DNAJC24: variants seen among roughly 807,000 people sequenced by gnomAD.
DNAJC24 encodes DnaJ heat shock protein family (Hsp40) member C24.
DNAJC24 carries 17 observed loss-of-function variants against 18.0 expected under a neutral mutation model. That is an observed-to-expected ratio of 0.94 (90% CI 0.65 to 1.42). The LOEUF is 1.42. DNAJC24 is among the 40% of genes most tolerant of loss of function. DNAJC24 has a pLI of 0.00. For missense variants in DNAJC24, 158 were observed against 175.6 expected, an observed-to-expected ratio of 0.90 and a Z score of 0.57; for synonymous variants, 55 against 57.7, an observed-to-expected ratio of 0.95 and a Z score of 0.21.
chr11:31,417,952 A>ACCCAAAGTATTGCATGTATGTTTTTTT (rs1554934762), intron 3 of DNAJC24, among the ~76,000 whole-genome samples: 4 of 152,106 alleles, frequency 2.6e-5, no homozygotes, highest in Non-Finnish European at 4.4e-5. Context: ...AGGGCAGATA[A>ACCCAAAGTATTGCATGTATGTTTTTTT]CCCAAAGTAT....
chr11:31,404,001 G>A (rs1267226229), intron 2 of DNAJC24, among the ~76,000 whole-genome samples: 1 of 152,174 alleles, frequency 6.6e-6, no homozygotes, highest in Non-Finnish European at 1.5e-5. Context: ...CATTATTCCT[G>A]TCTCCCCTTT....
chr11:31,421,791 A>C lies in DNAJC24; in HGVS notation c.251-4496A>C, dbSNP rs143498106. Reference sequence around the variant, plus strand: ...ATTCCATTGTCTTGTAAGAAGTAAGAAATATTTATTGATTCCCAAATGGAG... The same window carrying C: ...ATTCCATTGTCTTGTAAGAAGTAAGCAATATTTATTGATTCCCAAATGGAG... On this transcript the variant is annotated intron_variant, in intron 3 of 4. Transcript: ENST00000465995. 2.8e-3 allele frequency among the ~76,000 whole-genome samples: 421 copies of C among 152,326 alleles called. 4 individuals carry two copies. The highest frequency in any genetic ancestry group is 0.024 in the East Asian group (122 of 5,188).
intron 2 of DNAJC24, 94 bp from the exon 3 acceptor site, chr11:31,414,717 C>T: frequency 1.5e-6 from 2 of 1,351,536 alleles, no homozygotes; most frequent in Non-Finnish European, 2.0e-6. Context: ...TTCTCATTAC[C>T]TTCTTAACTA....
chr11:31,421,893 C>A (rs1184419000), intron 3 of DNAJC24: 5 of 400,178 alleles, frequency 1.2e-5, no homozygotes, highest in African/African-American at 2.1e-5. Context: ...CTGAACCAAG[C>A]TGCTAATAGT....
Position 31,419,307 on chromosome 11 carries a change from A to G in DNAJC24, c.250+4358A>G, listed in dbSNP as rs755893384. ...GTGACCGTTTCTGAGAAAAGTAAGT[A>G]TGTGAAATGATGCAGAAAATCCATC... On this transcript the variant is annotated intron_variant, in intron 3 of 4. Transcript: ENST00000465995. 5.9e-4 allele frequency among the ~76,000 whole-genome samples: 89 copies of G among 151,992 alleles called. 1 individual carries two copies. The highest frequency in any genetic ancestry group is 2.4e-4 in the Non-Finnish European group (16 of 67,946).
At chr11:31,382,680 C>T (rs1043128597) in intron 2 of DNAJC24, among the ~76,000 whole-genome samples, 5 of 152,164 alleles carry the variant, frequency 3.3e-5, no homozygotes, top group African/African-American at 9.7e-5. Flanking sequence ...ACACACCACT[C>T]AATACAGTAC....
At chr11:31,399,732 G>GT (rs1952581478) in intron 2 of DNAJC24, among the ~76,000 whole-genome samples, 10 of 110,128 alleles carry the variant, frequency 9.1e-5, no homozygotes, top group Admixed American at 1.8e-4. Flanking sequence ...TTTTTTAACT[G>GT]TTTTTTCTTT....
At chr11:31,423,551 G>GTGCC (rs1451012778) in intron 3 of DNAJC24, among the ~76,000 whole-genome samples, 1 of 152,176 alleles carries the variant, frequency 6.6e-6, no homozygotes, top group Non-Finnish European at 1.5e-5. Flanking sequence ...ATAAGCCACA[G>GTGCC]TGCCTGACCT....
At chr11:31,392,014 A>G (rs991312071) in intron 2 of DNAJC24, among the ~76,000 whole-genome samples, 1 of 152,172 alleles carries the variant, frequency 6.6e-6, no homozygotes, top group Non-Finnish European at 1.5e-5. Context: ...CAAACTTTAC[A>G]TGTTTTTACT....
At chr11:31,408,339 C>T in intron 2 of DNAJC24, 1 of 376,538 alleles carries the variant, frequency 2.7e-6, no homozygotes, top group Non-Finnish European at 5.2e-6. Context: ...AGGTGAGTCC[C>T]AAGAATTGAT....
intron 1 of DNAJC24, among the ~76,000 whole-genome samples, chr11:31,370,435 C>T (rs1374609125): frequency 6.6e-6 from 1 of 152,058 alleles, no homozygotes; most frequent in African/African-American, 2.4e-5. Flanking sequence ...CTTAGAGGTT[C>T]ATACACCACC....
In DNAJC24 at chr11:31,414,914, A is replaced by T. The variant is rs764077492; in HGVS notation, c.215A>T (p.Glu72Val). 6.2e-7 allele frequency: 1 copy of T among 1,614,006 alleles called. No individual in the cohort carries two copies. Among genetic ancestry groups the T allele is most frequent in the Non-Finnish European group, 8.5e-7 (1 of 1,179,958 alleles). ...IDQAWKILGN[E>V]ETKREYDLQR... ...CAAGCATGGAAAATTCTAGGAAATG[A>T]AGAGACAAAAAGAGAGTATGACCTG... Residue 72 changes from glutamate to valine, a missense_variant, in exon 3 of 5, where the codon GAA becomes GTA. Physicochemically the swap from Glu to Val is moderately radical, Grantham distance 121 (BLOSUM62 -2). Transcript: ENST00000465995.
In DNAJC24 at chr11:31,430,204, C is replaced by T. The variant is rs985861736; in HGVS notation, c.320-67C>T. The T allele has an allele frequency of 5.0e-6, 7 of 1,395,434 alleles. No homozygotes were observed. The African/African-American group carries it at 5.8e-5, about 12-fold the overall frequency. The allele number at this position is 1,395,434 out of a possible 1,614,324, so 86.4% of individuals were successfully genotyped here. Reference sequence around the variant, plus strand: ...AATTCCTATGGAATAAACTCTGCACCTTTTAAGGGTATTAGTGAGGTAGTT... The same window carrying T: ...AATTCCTATGGAATAAACTCTGCACTTTTTAAGGGTATTAGTGAGGTAGTT... On this transcript the variant is annotated intron_variant, in intron 4 of 4. Transcript: ENST00000465995.
intron 2 of DNAJC24, among the ~76,000 whole-genome samples, chr11:31,412,977 A>C (rs1187242018): frequency 6.6e-6 from 1 of 152,250 alleles, no homozygotes; most frequent in Non-Finnish European, 1.5e-5. Context: ...TGAGAATTGA[A>C]GTCATTTCGC....
chr11:31,396,153 A>T, intron 2 of DNAJC24: 1 of 344,274 alleles, frequency 2.9e-6, no homozygotes, highest in South Asian at 2.5e-5. Flanking sequence ...TGCCAAATGT[A>T]GTGGATTTAC....
intron 2 of DNAJC24, among the ~76,000 whole-genome samples, chr11:31,380,336 A>T (rs996007490): frequency 6.6e-6 from 1 of 152,210 alleles, no homozygotes; most frequent in African/African-American, 2.4e-5. Flanking sequence ...CATGCAACGA[A>T]CTTACAGACC....
At chr11:31,378,119 A>T (rs1952336278) in intron 2 of DNAJC24, among the ~76,000 whole-genome samples, 1 of 152,180 alleles carries the variant, frequency 6.6e-6, no homozygotes, top group Admixed American at 6.5e-5. Flanking sequence ...AATTCTTTAA[A>T]TAAGTCTTTT....
chr11:31,425,113 A>G (rs1952848668), intron 3 of DNAJC24, among the ~76,000 whole-genome samples: 1 of 152,152 alleles, frequency 6.6e-6, no homozygotes, highest in African/African-American at 2.4e-5. Context: ...TTTAAGCAAG[A>G]GAGTAGATGC....
chr11:31,430,203 C>A lies in DNAJC24; in HGVS notation c.320-68C>A. ...CAATTCCTATGGAATAAACTCTGCA[C>A]CTTTTAAGGGTATTAGTGAGGTAGT... On this transcript the variant is annotated intron_variant, in intron 4 of 4. Transcript: ENST00000465995. 3.6e-6 allele frequency: 5 copies of A among 1,390,218 alleles called. No homozygotes were observed. In the South Asian group the frequency reaches 4.5e-5, roughly 12 times the overall value. 86.1% of individuals were successfully genotyped at this position (1,390,218 alleles called of 1,614,324 possible).
Sources: gnomAD v4.1 joint callset for allele counts (sites outside exome capture counted in the v4.1 genomes callset) on GRCh38, gnomAD v4.1.1 for gene constraint, MANE v1.5 for transcripts, NCBI Gene and HGNC (gene_info 2026-07-23, HGNC 2026-07-21) for gene names.